STK31: variants seen among roughly 807,000 people sequenced by gnomAD.
STK31 encodes the protein serine/threonine kinase 31.
In STK31, 89 loss-of-function variants were observed where a neutral mutation model predicts 129.7. That is an observed-to-expected ratio of 0.69 (90% CI 0.58 to 0.82). The LOEUF (loss-of-function observed/expected upper bound fraction) is 0.82, where lower values mean the gene tolerates loss of function less well. Among genes scored for constraint, STK31 ranks in the 40% least tolerant of loss-of-function variants. The pLI is 0.00. For synonymous variants in STK31, 448 were observed against 395.3 expected (o/e 1.13, Z -1.58); for missense variants, 1,187 against 1,176.4 (o/e 1.01, Z -0.13).
At chr7:23,725,353 TAGTG>T (rs1235834314) in intron 4 of STK31, among the ~76,000 whole-genome samples, 1 of 110,526 alleles carries the variant, frequency 9.0e-6, no homozygotes, top group Non-Finnish European at 1.7e-5. Flanking sequence ...TTGGGCAACA[TAGTG>T]AGACCCTGTT....
At chr7:23,732,279 AAAGTT>A (rs1037275278) in intron 6 of STK31, among the ~76,000 whole-genome samples, 3 of 152,172 alleles carry the variant, frequency 2.0e-5, no homozygotes, top group African/African-American at 7.2e-5. Flanking sequence ...AAAAAAGATA[AAAGTT>A]AAGTTTTATA....
intron 22 of STK31, among the ~76,000 whole-genome samples, chr7:23,796,963 C>T (rs1009301371): frequency 1.3e-5 from 2 of 151,982 alleles, no homozygotes; most frequent in Non-Finnish European, 2.9e-5. Context: ...GGATTGCAAT[C>T]CTAGTCTCTG....
chr7:23,769,840 A>T, intron 13 of STK31, 84 bp downstream of exon 13: 3 of 854,230 alleles, frequency 3.5e-6, no homozygotes, highest in Non-Finnish European at 5.5e-6. Flanking sequence ...CCAATAATAG[A>T]GTTTTTCTTG....
intron 6 of STK31, 110 bp from the exon 7 acceptor site, chr7:23,735,426 AAT>A: frequency 1.1e-6 from 1 of 932,768 alleles, no homozygotes; most frequent in South Asian, 1.7e-5. Context: ...ACAGCAAAGT[AAT>A]ATAGAGATTT....
intron 8 of STK31, among the ~76,000 whole-genome samples, chr7:23,741,671 A>G (rs1000978412): frequency 2.6e-5 from 4 of 152,112 alleles, no homozygotes; most frequent in Non-Finnish European, 5.9e-5. Context: ...GCATCAAACA[A>G]TGTCTCTAAA....
Position 23,752,820 on chromosome 7 carries a change from T to C in STK31, c.1121T>C (p.Leu374Pro). The change falls in exon 9 of 24, where the codon CTG becomes CCG. Residue 374 changes from leucine to proline, a missense_variant. Physicochemically the swap from Leu to Pro is moderately conservative, Grantham distance 98. This residue lies in a region of STK31 where 975 missense variants were observed against 934.9 expected (regional missense o/e 1.04). Transcript: ENST00000355870. ...MKNLAAKMEI[L>P]KEMRHVDISV... ...AATCTGGCAGCTAAGATGGAAATAC[T>C]GAAAGAAATGAGGTAGGTAAAAGCA... 1 of 1,599,602 alleles carries C rather than the reference T, an allele frequency of 6.3e-7. No homozygotes were observed. Among genetic ancestry groups the C allele is most frequent in the Non-Finnish European group, 8.6e-7 (1 of 1,167,774 alleles).
chr7:23,796,724 T>C (rs1433510638), intron 22 of STK31, among the ~76,000 whole-genome samples: 2 of 152,156 alleles, frequency 1.3e-5, no homozygotes, highest in African/African-American at 4.8e-5. Flanking sequence ...CTTTTATCAC[T>C]GTGTTTTGTG....
chr7:23,756,471 T>C (rs1028882970), intron 10 of STK31, among the ~76,000 whole-genome samples: 1 of 152,176 alleles, frequency 6.6e-6, no homozygotes, highest in African/African-American at 2.4e-5. Flanking sequence ...CTCTTCCTAT[T>C]TGAATACCCT....
chr7:23,779,500 G>C (rs1562595288), intron 15 of STK31, among the ~76,000 whole-genome samples: 1 of 152,206 alleles, frequency 6.6e-6, no homozygotes. Context: ...ATAAGCCCCT[G>C]ACTGGGGCTT....
chr7:23,769,227 AT>A, intron 12 of STK31, 53 bp downstream of exon 12: 2 of 1,438,340 alleles, frequency 1.4e-6, no homozygotes. Flanking sequence ...GGGAATATAT[AT>A]TTTAAAAATC....
At chr7:23,774,569 A>G (rs1790417616) in intron 15 of STK31, among the ~76,000 whole-genome samples, 1 of 152,210 alleles carries the variant, frequency 6.6e-6, no homozygotes, top group South Asian at 2.1e-4. Context: ...TGTTGGCTGC[A>G]TAAATGTCTT....
chr7:23,742,704 T>C (rs1788120453), intron 8 of STK31, among the ~76,000 whole-genome samples: 1 of 152,206 alleles, frequency 6.6e-6, no homozygotes, highest in African/African-American at 2.4e-5. Flanking sequence ...TCTCCTTTCT[T>C]ACTTCTGGGG....
intron 23 of STK31, among the ~76,000 whole-genome samples, chr7:23,831,500 A>T (rs199749204): frequency 6.6e-6 from 1 of 151,930 alleles, no homozygotes; most frequent in Non-Finnish European, 1.5e-5. Flanking sequence ...TGGGTCATTT[A>T]AAAAAAAGAA....
intron 22 of STK31, among the ~76,000 whole-genome samples, chr7:23,797,708 A>T (rs1792063381): frequency 6.6e-6 from 1 of 152,196 alleles, no homozygotes. Context: ...AGATCTACAG[A>T]AGCAAGAACA....
intron 11 of STK31, among the ~76,000 whole-genome samples, chr7:23,765,730 A>G (rs559553776): frequency 6.6e-6 from 1 of 152,110 alleles, no homozygotes; most frequent in South Asian, 2.1e-4. Context: ...TGTTTTTAAT[A>G]GAGATGGGGT....
intron 15 of STK31, 85 bp downstream of exon 15, chr7:23,772,363 A>G: frequency 7.4e-7 from 1 of 1,343,582 alleles, no homozygotes; most frequent in Non-Finnish European, 1.0e-6. Flanking sequence ...GCATAAATAC[A>G]CTCTTTACAA....
At chr7:23,798,673 C>T (rs537842183) in intron 22 of STK31, among the ~76,000 whole-genome samples, 1 of 152,270 alleles carries the variant, frequency 6.6e-6, no homozygotes, top group South Asian at 2.1e-4. Context: ...TGGAAGCATT[C>T]CCTTGAAAAC....
At chr7:23,732,582 C>T (rs1441812594) in intron 6 of STK31, among the ~76,000 whole-genome samples, 1 of 152,112 alleles carries the variant, frequency 6.6e-6, no homozygotes, top group African/African-American at 2.4e-5. Context: ...CCACTTCATA[C>T]TAATTGTGAT....
chr7:23,801,664 A>G (rs1464854489), intron 22 of STK31, among the ~76,000 whole-genome samples: 4 of 152,150 alleles, frequency 2.6e-5, no homozygotes, highest in South Asian at 2.1e-4. Context: ...TAAAAGCTCT[A>G]TAGTTGTATG....
Sources: allele counts gnomAD v4.1 joint callset (sites outside exome capture counted in the v4.1 genomes callset), GRCh38; gene constraint gnomAD v4.1.1; regional missense constraint gnomAD v4.1.1; transcripts MANE v1.5; gene names NCBI Gene and HGNC (gene_info 2026-07-23, HGNC 2026-07-21).